Variants in CNTNAP5 observed in about 807,000 individuals in gnomAD.
CNTNAP5 encodes the protein contactin-associated protein-like 5.
Under a neutral mutation model 150.2 loss-of-function variants are expected in CNTNAP5, and 72 were observed. The ratio of observed to expected loss-of-function variants is 0.48; its 90% CI spans 0.40 to 0.58. The LOEUF is 0.58. Among genes scored for constraint, CNTNAP5 ranks in the 20% least tolerant of loss-of-function variants. CNTNAP5 has a pLI of 0.00. For missense variants in CNTNAP5, 1,636 were observed against 1,626.2 expected (o/e 1.01, Z -0.10); for synonymous variants, 672 against 619.8 (o/e 1.08, Z -1.25).
In CNTNAP5 at chr2:124,221,774, GCACTCACAGC is replaced by G; in HGVS notation, c.154_163del (p.Thr52GlnfsTer32). The G allele has an allele frequency of 6.2e-7, 1 of 1,610,706 alleles. No individual in the cohort carries two copies. Among genetic ancestry groups the G allele is most frequent in the Non-Finnish European group, 8.5e-7 (1 of 1,178,318 alleles). On this transcript the variant is annotated frameshift_variant, in exon 2 of 24. Coordinates refer to ENST00000682447, the MANE Select transcript of CNTNAP5 (RefSeq NM_001367498.1). LOFTEE classifies it high-confidence loss of function. ...TTTTCCAGTTCCTCAGACCTCACTG[GCACTCACAGC>G]CCAGCTCAACTCAACTGGAGAGTTG... is the stretch of plus-strand genomic sequence containing the variant.
chr2:124,067,258 A>G (rs1421599236), intron 1 of CNTNAP5, among the ~76,000 whole-genome samples: 2 of 152,162 alleles, frequency 1.3e-5, no homozygotes, highest in South Asian at 2.1e-4. Flanking sequence ...ATTCTCTCAT[A>G]GTTCTGGAGA....
chr2:124,748,011 G>A (rs1004453171), intron 14 of CNTNAP5, among the ~76,000 whole-genome samples: 6 of 151,632 alleles, frequency 4.0e-5, no homozygotes, highest in Non-Finnish European at 8.8e-5. Flanking sequence ...TTGCGATTGA[G>A]TCAGGGTATT....
chr2:124,835,704 A>T, intron 19 of CNTNAP5, among the ~76,000 whole-genome samples: 1 of 152,158 alleles, frequency 6.6e-6, no homozygotes, highest in East Asian at 1.9e-4. Context: ...AGCCTGGAAA[A>T]TTACATTATT....
chr2:124,471,466 T>G (rs1693513442), intron 6 of CNTNAP5, among the ~76,000 whole-genome samples: 1 of 152,164 alleles, frequency 6.6e-6, no homozygotes, highest in South Asian at 2.1e-4. Flanking sequence ...GCTTTTGGGC[T>G]GAGACAATGG....
At chr2:124,409,846 A>C (rs367545998) in intron 3 of CNTNAP5, among the ~76,000 whole-genome samples, 83 of 152,024 alleles carry the variant, frequency 5.5e-4, no homozygotes, top group East Asian at 5.1e-3. Context: ...CAGCTAACAT[A>C]ATAATGACAG....
Position 124,917,605 on chromosome 2 carries a change from A to G in CNTNAP5, c.*3317A>G, listed in dbSNP as rs79759499. Among the ~76,000 whole-genome samples, 1,241 of 152,234 alleles carry G rather than the reference A, an allele frequency of 8.2e-3. 19 individuals are homozygous for G. Among genetic ancestry groups the G allele is most frequent in the African/African-American group, 0.025 (1,030 of 41,566 alleles). The stretch of plus-strand genomic sequence containing the variant: ...CTTAGTAATAACAGAGATGGTATTA[A>G]CTTGACTTCTACCTTTTGTCAGACT... On this transcript the variant is annotated 3_prime_UTR_variant, in exon 24 of 24. Coordinates refer to ENST00000682447, the MANE Select transcript of CNTNAP5 (RefSeq NM_001367498.1).
intron 19 of CNTNAP5, among the ~76,000 whole-genome samples, chr2:124,810,865 A>C (rs1442494849): frequency 6.6e-6 from 1 of 152,108 alleles, no homozygotes; most frequent in Non-Finnish European, 1.5e-5. Flanking sequence ...ACAGGTATGC[A>C]GTGAGTGGGA....
At chr2:124,621,095 A>G (rs72972589) in intron 12 of CNTNAP5, among the ~76,000 whole-genome samples, 1,805 of 152,304 alleles carry the variant, frequency 0.012, 29 homozygotes, top group African/African-American at 0.041. Flanking sequence ...TTGAAACTTG[A>G]CATTAAACTG....
At chr2:124,874,446 G>A (rs1044582640) in intron 21 of CNTNAP5, among the ~76,000 whole-genome samples, 1 of 152,090 alleles carries the variant, frequency 6.6e-6, no homozygotes, top group Non-Finnish European at 1.5e-5. Flanking sequence ...TGTCACAAGA[G>A]CGTAGACAGC....
At chr2:124,861,642 C>T (rs973090215) in intron 19 of CNTNAP5, among the ~76,000 whole-genome samples, 16 of 151,496 alleles carry the variant, frequency 1.1e-4, no homozygotes, top group Non-Finnish European at 1.5e-4. Flanking sequence ...TGCCTGAATA[C>T]GGGGAAGAAG....
At position 124,180,037 on chromosome 2, in the gene CNTNAP5, G is replaced by T. The variant is rs932664256; in HGVS notation, c.83-41668G>T. On this transcript the variant is annotated intron_variant, in intron 1 of 23. Coordinates refer to ENST00000682447, the MANE Select transcript of CNTNAP5 (RefSeq NM_001367498.1). ...CCACAGTGAATGAAAGAGATGAAAA[G>T]ATGTGATTTAAGACACATTAAGGAT... 4.6e-5 allele frequency among the ~76,000 whole-genome samples: 7 copies of T among 152,090 alleles called. No individual in the cohort carries two copies. In the East Asian group the frequency reaches 1.3e-3, roughly 29 times the overall value.
At chr2:124,574,566 G>A (rs1358137782) in intron 11 of CNTNAP5, among the ~76,000 whole-genome samples, 1 of 152,188 alleles carries the variant, frequency 6.6e-6, no homozygotes, top group African/African-American at 2.4e-5. Context: ...GGAATGTTCT[G>A]CAAGCATCAC....
intron 13 of CNTNAP5, among the ~76,000 whole-genome samples, chr2:124,710,106 T>A (rs1573563997): frequency 9.5e-6 from 1 of 105,730 alleles, no homozygotes; most frequent in South Asian, 3.4e-4. Flanking sequence ...CAATGTTGTG[T>A]TTATGCCGAG....
chr2:124,573,819 T>TA (rs929509291), intron 11 of CNTNAP5, among the ~76,000 whole-genome samples: 1 of 152,200 alleles, frequency 6.6e-6, no homozygotes, highest in African/African-American at 2.4e-5. Context: ...TCAGACAAAT[T>TA]ATTTAACTTC....
At chr2:124,714,521 C>T (rs1184157517) in intron 13 of CNTNAP5, among the ~76,000 whole-genome samples, 2 of 152,022 alleles carry the variant, frequency 1.3e-5, no homozygotes, top group Admixed American at 1.3e-4. Flanking sequence ...AAGGCAAAGG[C>T]ATTACCTTCA....
chr2:124,331,971 A>T (rs1363322735), intron 3 of CNTNAP5, among the ~76,000 whole-genome samples: 1 of 151,978 alleles, frequency 6.6e-6, no homozygotes, highest in Non-Finnish European at 1.5e-5. Context: ...TCATCTTAAG[A>T]AAAGTTCATA....
intron 3 of CNTNAP5, among the ~76,000 whole-genome samples, chr2:124,400,669 GTTTTT>G (rs760418441): frequency 1.2e-5 from 1 of 84,498 alleles, no homozygotes. Flanking sequence ...TAAAGGCATT[GTTTTT>G]TTTTTTTTTT....
rs1293950572 is a variant in CNTNAP5 at position 124,615,274 on chromosome 2, CA to C, written c.1876+5355del. ...TAATTTTGTTTGATAGCATTTCACC[CA>C]CAGTAGAACTTCTTTCAAAATTGAA... On this transcript the variant is annotated intron_variant, in intron 12 of 23. Transcript: ENST00000682447. 3.3e-5 allele frequency among the ~76,000 whole-genome samples: 5 copies of C among 152,278 alleles called. No homozygotes were observed. The East Asian group carries it at 7.7e-4, about 23-fold the overall frequency.
chr2:124,104,930 A>G (rs1018849008), intron 1 of CNTNAP5, among the ~76,000 whole-genome samples: 1 of 151,734 alleles, frequency 6.6e-6, no homozygotes, highest in African/African-American at 2.4e-5. Context: ...AAATGTGCAT[A>G]ATCATATACA....
Sources: allele counts gnomAD v4.1 joint callset (sites outside exome capture counted in the v4.1 genomes callset), GRCh38; gene constraint gnomAD v4.1.1; transcripts MANE v1.5; gene names NCBI Gene and HGNC (gene_info 2026-07-23, HGNC 2026-07-21).